The following MYLK variants were observed in gnomAD, a reference collection of about 807,000 sequenced individuals.
The protein encoded by MYLK is myosin light chain kinase, smooth muscle.
Under a neutral mutation model 203.4 loss-of-function variants are expected in MYLK, and 106 were observed. The observed-to-expected ratio is 0.52, with a 90% CI of 0.45 to 0.61. The LOEUF (loss-of-function observed/expected upper bound fraction) is 0.61, where lower values mean the gene tolerates loss of function less well. Among genes scored for constraint, MYLK ranks in the 20% least tolerant of loss-of-function variants. The probability of loss-of-function intolerance (pLI) is 0.00; values close to 1 mark genes in which losing one functional copy is unlikely to be tolerated. For missense variants in MYLK, 2,072 were observed against 2,442.3 expected, an observed-to-expected ratio of 0.85 and a Z score of 3.20; for synonymous variants, 867 against 959.5, an observed-to-expected ratio of 0.90 and a Z score of 1.78.
chr3:123,860,159 C>T (rs888851111), intron 2 of MYLK, among the ~76,000 whole-genome samples: 8 of 152,188 alleles, frequency 5.3e-5, no homozygotes, highest in Non-Finnish European at 7.3e-5. Flanking sequence ...GGTTAAAATA[C>T]CCTCCTTTGA....
intron 2 of MYLK, among the ~76,000 whole-genome samples, chr3:123,854,400 T>C (rs2031157804): frequency 6.6e-6 from 1 of 152,100 alleles, no homozygotes; most frequent in African/African-American, 2.4e-5. Context: ...CATCTTGCTA[T>C]TGTTGCCTAG....
At chr3:123,773,550 A>T (rs757141648) in intron 4 of MYLK, among the ~76,000 whole-genome samples, 37 of 152,262 alleles carry the variant, frequency 2.4e-4, no homozygotes, top group Non-Finnish European at 4.6e-4. Flanking sequence ...GTGGCATGCC[A>T]TATTTGTCTT....
chr3:123,620,520 T>C (rs2057799336), intron 31 of MYLK, 184 bp from the exon 32 acceptor site: 3 of 1,467,512 alleles, frequency 2.0e-6, no homozygotes, highest in Non-Finnish European at 2.7e-6. Flanking sequence ...GCACTGTCAG[T>C]GTGTCAGAAG....
intron 20 of MYLK, among the ~76,000 whole-genome samples, chr3:123,679,926 A>G (rs2060203424): frequency 6.6e-6 from 1 of 152,062 alleles, no homozygotes; most frequent in Non-Finnish European, 1.5e-5. Flanking sequence ...CTCAAGACCC[A>G]CAGTGTGGGC....
At chr3:123,762,059 A>C (rs998586461) in intron 4 of MYLK, among the ~76,000 whole-genome samples, 8 of 152,034 alleles carry the variant, frequency 5.3e-5, no homozygotes, top group African/African-American at 1.9e-4. Flanking sequence ...CCTCACCAAA[A>C]CACCCGTACC....
intron 5 of MYLK, among the ~76,000 whole-genome samples, chr3:123,746,648 C>T (rs945641841): frequency 1.3e-5 from 2 of 152,204 alleles, no homozygotes; most frequent in Admixed American, 6.5e-5. Flanking sequence ...ATGAGTAAGG[C>T]TGCTTCTGCA....
intron 13 of MYLK, among the ~76,000 whole-genome samples, chr3:123,716,598 A>G (rs1365343366): frequency 6.6e-6 from 1 of 152,218 alleles, no homozygotes; most frequent in Non-Finnish European, 1.5e-5. Flanking sequence ...AGAAGCTATA[A>G]TCACACTCTA....
At chr3:123,627,285 CTGCTCCTCTCA>C (rs1470372707) in intron 30 of MYLK, among the ~76,000 whole-genome samples, 2 of 152,186 alleles carry the variant, frequency 1.3e-5, no homozygotes, top group African/African-American at 4.8e-5. Context: ...TGGCGTCATT[CTGCTCCTCTCA>C]TGAGGGCTGG....
At chr3:123,622,540 G>A (rs1330406749) in intron 31 of MYLK, 1 of 152,156 alleles carries the variant, frequency 6.6e-6, no homozygotes, top group Non-Finnish European at 1.5e-5. Flanking sequence ...TTTTCTTCCA[G>A]ATTTTATTTC....
chr3:123,824,454 C>T (rs1370757341), intron 3 of MYLK, among the ~76,000 whole-genome samples: 3 of 152,148 alleles, frequency 2.0e-5, no homozygotes, highest in Admixed American at 6.5e-5. Context: ...ATGAAAATTA[C>T]GTGAGAGCAG....
intron 3 of MYLK, 118 bp from the exon 4 acceptor site, chr3:123,793,962 G>A: frequency 9.2e-7 from 1 of 1,083,106 alleles, no homozygotes; most frequent in Non-Finnish European, 1.4e-6. Flanking sequence ...CAGATCCCCA[G>A]TTAGGTCAGT....
chr3:123,733,906 G>C lies in MYLK; in HGVS notation c.1090C>G (p.Leu364Val). 6.2e-7 allele frequency: 1 copy of C among 1,614,202 alleles called. No individual in the cohort carries two copies. ...TTCCTCTCTTCTCCAGAAGGTGATAGGACCCCCAGGCCTGGTGCTCTTGGT... is the reference window on the plus strand; with the variant it reads ...TTCCTCTCTTCTCCAGAAGGTGATACGACCCCCAGGCCTGGTGCTCTTGGT... ...PEPRAPGLGV[L>V]SPSGEERKRP... Residue 364 changes from leucine to valine, a missense_variant, in exon 10 of 34, where the codon CTA becomes GTA. Leu to Val is a conservative substitution (Grantham distance 32, BLOSUM62 1). Around this residue, in one of 3 missense-constraint regions of MYLK, gnomAD observed 683 missense variants for 643.8 expected, o/e 1.06. Coordinates refer to ENST00000360304, the MANE Select transcript of MYLK (RefSeq NM_053025.4).
At chr3:123,680,472 A>G (rs820363) in intron 20 of MYLK, among the ~76,000 whole-genome samples, 101,162 of 152,180 alleles carry the variant, frequency 0.66, 39,039 homozygotes, top group Non-Finnish European at 0.88. Context: ...CACAGGTCCA[A>G]GGAATATTTT....
intron 4 of MYLK, among the ~76,000 whole-genome samples, chr3:123,754,281 C>T (rs1421674274): frequency 1.3e-5 from 2 of 152,302 alleles, no homozygotes; most frequent in East Asian, 3.9e-4. Flanking sequence ...TATAGTCACC[C>T]CTCAGTGCCA....
chr3:123,798,587 G>A (rs1160417604), intron 3 of MYLK, among the ~76,000 whole-genome samples: 1 of 152,124 alleles, frequency 6.6e-6, no homozygotes, highest in African/African-American at 2.4e-5. Flanking sequence ...CTCATCAAAA[G>A]GCACCTGCTT....
chr3:123,724,970 C>T (rs2062228924), intron 12 of MYLK, among the ~76,000 whole-genome samples: 1 of 152,070 alleles, frequency 6.6e-6, no homozygotes, highest in African/African-American at 2.4e-5. Context: ...GTCTCGAACT[C>T]CTGACCTCAG....
Position 123,831,679 on chromosome 3 carries a change from G to C in MYLK, c.-126-9C>G. 1 of 242,070 alleles carries C rather than the reference G, an allele frequency of 4.1e-6. No homozygotes were observed. The highest frequency in any genetic ancestry group is 8.6e-6 in the Non-Finnish European group (1 of 116,864). 15.0% of individuals were successfully genotyped at this position (242,070 alleles called of 1,614,324 possible). ...AGGCAGCCGGGAGCCACCTGGGTGG[G>C]TGGGAAGGAGGAAAGGAAAGCCAAA... On this transcript the variant is annotated splice_polypyrimidine_tract_variant and intron_variant, in intron 2 of 33. Transcript: ENST00000360304.
At chr3:123,661,817 G>C (rs1576465972) in intron 23 of MYLK, among the ~76,000 whole-genome samples, 1 of 152,298 alleles carries the variant, frequency 6.6e-6, no homozygotes, top group Non-Finnish European at 1.5e-5. Context: ...CCCTCTCCCG[G>C]GTCCCCTGTG....
chr3:123,798,147 G>A (rs774138925), intron 3 of MYLK, among the ~76,000 whole-genome samples: 38 of 152,208 alleles, frequency 2.5e-4, no homozygotes, highest in Admixed American at 9.8e-4. Flanking sequence ...AGAAAGAGCA[G>A]TTCTAATGAT....
Sources: allele counts gnomAD v4.1 joint callset (sites outside exome capture counted in the v4.1 genomes callset), GRCh38; gene constraint gnomAD v4.1.1; regional missense constraint gnomAD v4.1.1; transcripts MANE v1.5; gene names NCBI Gene and HGNC (gene_info 2026-07-23, HGNC 2026-07-21).